Variants in PITRM1 observed in about 807,000 individuals in gnomAD.
PITRM1 encodes the protein pitrilysin metallopeptidase 1.
PITRM1 carries 100 observed loss-of-function variants against 129.9 expected under a neutral mutation model. That is an observed-to-expected ratio of 0.77 (90% CI 0.65 to 0.91). The LOEUF (loss-of-function observed/expected upper bound fraction) is 0.91. PITRM1 is among the 40% of genes least tolerant of loss of function. The probability of loss-of-function intolerance (pLI) is 0.00; values close to 1 mark genes in which losing one functional copy is unlikely to be tolerated. For missense variants in PITRM1, 1,471 were observed against 1,318.3 expected (o/e 1.12, Z -1.79); for synonymous variants, 591 against 508.8 (o/e 1.16, Z -2.17).
chr10:3,139,394 G>T (rs1254610798), intron 24 of PITRM1, among the ~76,000 whole-genome samples: 1 of 152,166 alleles, frequency 6.6e-6, no homozygotes, highest in East Asian at 1.9e-4. Flanking sequence ...AGACTTACAT[G>T]GAAAAATTAA....
Position 3,140,750 on chromosome 10 carries a change from C to T in PITRM1, c.2708G>A (p.Gly903Asp), listed in dbSNP as rs1363216848. 6.3e-7 allele frequency: 1 copy of T among 1,597,116 alleles called. No homozygotes were observed. The highest frequency in any genetic ancestry group is 1.3e-5 in the African/African-American group (1 of 74,768). The stretch of plus-strand genomic sequence containing the variant: ...TTTTGCGCCTCCACCATAAGCACCG[C>T]CTTTTTCTCGAATTTCTGTATGCAA... The part of the protein sequence containing the change: ...KFLHTEIREK[G>D]GAYGGGAKLS... Residue 903 changes from glycine (G) to aspartate (D), a missense_variant, in exon 24 of 27, where the codon GGC becomes GAC. By Grantham distance (94) the Gly-to-Asp change is moderately conservative. Coordinates refer to ENST00000224949, the MANE Select transcript of PITRM1 (RefSeq NM_014889.4).
At chr10:3,145,758 A>G (rs746864141) in intron 20 of PITRM1, 42 bp from the exon 21 acceptor site, 72 of 1,420,540 alleles carry the variant, frequency 5.1e-5, no homozygotes, top group Non-Finnish European at 6.7e-5. Context: ...CTGTTAGAAA[A>G]AACAGTTTTA....
intron 1 of PITRM1, 91 bp downstream of exon 1, chr10:3,172,626 C>CAGGGACG (rs1843485555): frequency 5.1e-6 from 6 of 1,182,124 alleles, no homozygotes; most frequent in African/African-American, 1.6e-5. Flanking sequence ...GCCCCGGGCG[C>CAGGGACG]AGGGACGAGG....
intron 10 of PITRM1, 24 bp downstream of exon 10, chr10:3,158,890 G>A (rs1380470899): frequency 9.9e-6 from 16 of 1,610,670 alleles, no homozygotes; most frequent in Middle Eastern, 3.3e-4. Context: ...GAGAACTACT[G>A]ATCTAATCTA....
chr10:3,139,053 G>T lies in PITRM1; in HGVS notation c.2772-4C>A, dbSNP rs1045873974. The T allele has an allele frequency of 3.0e-5, 48 of 1,612,900 alleles. No homozygotes were observed. Among genetic ancestry groups the T allele is most frequent in the African/African-American group, 4.0e-5 (3 of 74,960 alleles). ...CGTCTCTATTGTATTTGGGTCCCTA[G>T]GAAACCCAGAGAAATAAACGGGCAA... On this transcript the variant is annotated splice_polypyrimidine_tract_variant and splice_region_variant and intron_variant, in intron 24 of 26. Coordinates refer to ENST00000224949, the MANE Select transcript of PITRM1 (RefSeq NM_014889.4).
Position 3,148,153 on chromosome 10 carries a change from C to T in PITRM1, c.1992+18G>A, listed in dbSNP as rs752201303. 3.1e-6 allele frequency: 5 copies of T among 1,613,922 alleles called. No individual in the cohort carries two copies. The South Asian group carries it at 4.4e-5, about 14-fold the overall frequency. On this transcript the variant is annotated intron_variant, in intron 17 of 26. Coordinates refer to ENST00000224949, the MANE Select transcript of PITRM1 (RefSeq NM_014889.4). Reference sequence around the variant, plus strand: ...AAAAGCTTCCCACCGCAGCAGTCGTCTGACGGTACCAGGCTACCTGCTCGT... The same window carrying T: ...AAAAGCTTCCCACCGCAGCAGTCGTTTGACGGTACCAGGCTACCTGCTCGT...
In PITRM1 at chr10:3,166,950, C is replaced by T. The variant is rs777506359; in HGVS notation, c.252G>A (p.Thr84=). The T allele has an allele frequency of 3.5e-5, 56 of 1,598,606 alleles. No homozygotes were observed. Among genetic ancestry groups the T allele is most frequent in the Non-Finnish European group, 4.3e-5 (50 of 1,167,466 alleles). Residue 84 remains threonine, a synonymous_variant, in exon 3 of 27, where the codon ACG becomes ACA. Transcript: ENST00000224949. ...ARYLHLARED[T]NNLFSVQFRT... ...GCACCACACACCTGAACAGATTATT[C>T]GTGTCTTCTCTGGCCAGGTGTAAAT...
At chr10:3,172,205 G>A (rs1470245612) in intron 1 of PITRM1, 2 of 456,854 alleles carry the variant, frequency 4.4e-6, no homozygotes, top group Non-Finnish European at 8.8e-6. Context: ...CGGGCTCGTG[G>A]ATTACCATGA....
At chr10:3,144,479 T>C (rs1840635128) in intron 21 of PITRM1, 113 bp from the exon 22 acceptor site, 3 of 648,416 alleles carry the variant, frequency 4.6e-6, no homozygotes, top group Non-Finnish European at 2.7e-6. Context: ...TTAGGGCAGG[T>C]GTAAGTGTTT....
chr10:3,166,031 C>T (rs561094571), intron 4 of PITRM1, among the ~76,000 whole-genome samples, 198 bp downstream of exon 4: 6 of 152,252 alleles, frequency 3.9e-5, no homozygotes, highest in Middle Eastern at 3.4e-3. Flanking sequence ...TTTCTTAAAA[C>T]GCTAGTTTTT....
chr10:3,138,070 G>A lies in PITRM1; in HGVS notation c.3075C>T (p.Asn1025=). ...AGGATGGGTCCTTGGCAATTTTCGG[G>A]TTCTCGGGTCCGAGGATGGCCAGGC... ...THGLAILGPE[N]PKIAKDPSWI... is the part of the protein sequence containing the mutation. The change falls in exon 27 of 27, where the codon AAC becomes AAT. Residue 1025 remains asparagine, a synonymous_variant. Coordinates refer to ENST00000224949, the MANE Select transcript of PITRM1 (RefSeq NM_014889.4). 1.9e-6 allele frequency: 3 copies of A among 1,610,220 alleles called. No homozygotes were observed. The highest frequency in any genetic ancestry group is 2.5e-6 in the Non-Finnish European group (3 of 1,178,522).
intron 14 of PITRM1, among the ~76,000 whole-genome samples, chr10:3,154,061 C>G (rs1017359027): frequency 6.6e-6 from 1 of 152,352 alleles, no homozygotes; most frequent in East Asian, 1.9e-4. Context: ...CCGACTGGGC[C>G]TCCAGCAGCT....
At chr10:3,141,618 A>G in intron 23 of PITRM1, 1 of 467,372 alleles carries the variant, frequency 2.1e-6, no homozygotes, top group South Asian at 1.6e-5. Flanking sequence ...GAACACATCC[A>G]CCTCCGACAG....
Position 3,148,424 on chromosome 10 carries a change from C to A in PITRM1, c.1872-133G>T, listed in dbSNP as rs1405086664. ...CGGCTTTGCCAACCTCTCTACACTTCGAAGGTCATAAGCAGGTGCACTCTG... is the reference window on the plus strand; with the variant it reads ...CGGCTTTGCCAACCTCTCTACACTTAGAAGGTCATAAGCAGGTGCACTCTG... On this transcript the variant is annotated intron_variant, in intron 16 of 26. Transcript: ENST00000224949. 4.3e-6 allele frequency: 5 copies of A among 1,160,798 alleles called. No individual in the cohort carries two copies. The East Asian group carries it at 1.2e-4, about 28-fold the overall frequency. The allele number at this position is 1,160,798 out of a possible 1,614,324, so 71.9% of individuals were successfully genotyped here.
Position 3,144,491 on chromosome 10 carries a change from AAAT to A in PITRM1, c.2458-128_2458-126del. On this transcript the variant is annotated intron_variant, in intron 21 of 26. Transcript: ENST00000224949. The stretch of plus-strand genomic sequence containing the variant: ...GTGTTAGGGCAGGTGTAAGTGTTTT[AAAT>A]AATAAACGCTTAAAAAAAATAAAAA... 3 of 621,908 alleles carry A rather than the reference AAAT, an allele frequency of 4.8e-6. No homozygotes were observed. The East Asian group carries it at 8.3e-5, about 17-fold the overall frequency. The allele number at this position is 621,908 out of a possible 1,614,324, so 38.5% of individuals were successfully genotyped here.
In PITRM1 at chr10:3,163,883, T is replaced by C; in HGVS notation, c.633A>G (p.Thr211=). 1 of 1,590,706 alleles carries C rather than the reference T, an allele frequency of 6.3e-7. No homozygotes were observed. Among genetic ancestry groups the C allele is most frequent in the Non-Finnish European group, 8.6e-7 (1 of 1,166,400 alleles). The change falls in exon 7 of 27, where the codon ACA becomes ACG. Residue 211 remains threonine, a splice_region_variant and synonymous_variant. Transcript: ENST00000224949. The part of the protein sequence containing the change: ...VVFNEMKGAF[T]DNERIFSQHL... The stretch of plus-strand genomic sequence containing the variant: ...GCTGGGAGAATATCCTCTCATTGTC[T>C]GTCTTGAAACGTAAAATAAATAAAT...
chr10:3,147,303 T>C (rs1266458774), intron 19 of PITRM1, 53 bp from the exon 20 acceptor site: 1 of 1,327,346 alleles, frequency 7.5e-7, no homozygotes, highest in South Asian at 1.2e-5. Context: ...ACAGACCCGC[T>C]GAGTCTGAAC....
intron 1 of PITRM1, 92 bp downstream of exon 1, chr10:3,172,625 G>A: frequency 3.4e-6 from 4 of 1,163,816 alleles, no homozygotes; most frequent in South Asian, 1.7e-5. Context: ...AGCCCCGGGC[G>A]CAGGGACGAG....
chr10:3,145,022 G>A (rs1840704281), intron 21 of PITRM1: 1 of 153,106 alleles, frequency 6.5e-6, no homozygotes. Context: ...AGCAGCAGGA[G>A]GCCACCTCCC....
Sources: allele counts gnomAD v4.1 joint callset (sites outside exome capture counted in the v4.1 genomes callset), GRCh38; gene constraint gnomAD v4.1.1; transcripts MANE v1.5; gene names NCBI Gene and HGNC (gene_info 2026-07-23, HGNC 2026-07-21).